ACCSL: variants seen among roughly 807,000 people sequenced by gnomAD.
The protein encoded by ACCSL is probable inactive 1-aminocyclopropane-1-carboxylate synthase-like protein 2.
A neutral mutation model predicts 61.7 loss-of-function variants in ACCSL; 55 were observed. The observed-to-expected ratio is 0.89, with a 90% CI of 0.72 to 1.12. ACCSL has a LOEUF of 1.12. Among genes scored for constraint, ACCSL ranks in the 50% most tolerant of loss-of-function variants. ACCSL has a pLI of 0.00. For missense variants in ACCSL, 632 were observed against 698.0 expected, an observed-to-expected ratio of 0.91 and a Z score of 1.07; for synonymous variants, 258 against 264.3, an observed-to-expected ratio of 0.98 and a Z score of 0.23.
rs747481542 is a variant in ACCSL, at chr11:44,056,316, C to G, written c.1317C>G (p.Leu439=). 2 of 1,613,592 alleles carry G rather than the reference C, an allele frequency of 1.2e-6. No homozygotes were observed. The change falls in exon 11 of 14, where the codon CTC becomes CTG. Residue 439 remains leucine, a synonymous_variant. Transcript: ENST00000378832. ...CCCAGCACAAGCTGTGTCAACTGCT[C>G]CAGAACACAGGTACTGAGCTCTAGC... ...GITQHKLCQL[L]QNTEWIDKVY... is the part of the protein sequence containing the mutation.
At chr11:43,937,111 T>C in the ACCSL span, among the ~76,000 whole-genome samples, 7 of 152,064 alleles carry the variant, frequency 4.6e-5, no homozygotes, top group South Asian at 2.1e-4. Flanking sequence ...GAGCTGTGTG[T>C]GTTGGAGACA....
At position 44,048,195 on chromosome 11, in the gene ACCSL, G is replaced by T. The variant is rs1384906359; in HGVS notation, c.159G>T (p.Leu53=). Residue 53 remains leucine, a synonymous_variant, in exon 1 of 14, where the codon CTG becomes CTT. Coordinates refer to ENST00000378832, the MANE Select transcript of ACCSL (RefSeq NM_001031854.2). ...HFVQLTSRQG[L]SLEERRHTEA... is the part of the protein sequence containing the mutation. ...TGCAGCTGACGAGCAGACAGGGCCT[G>T]TCGCTGGAGGAAAGGAGGCACACTG... The T allele has an allele frequency of 2.5e-6, 4 of 1,614,104 alleles. No homozygotes were observed. Among genetic ancestry groups the T allele is most frequent in the Non-Finnish European group, 3.4e-6 (4 of 1,180,060 alleles).
the ACCSL span, among the ~76,000 whole-genome samples, chr11:44,035,873 G>A: frequency 2.0e-5 from 3 of 149,394 alleles, no homozygotes; most frequent in East Asian, 5.9e-4. Context: ...GGAAGGTAGA[G>A]GTTGCAGTGA....
chr11:43,957,441 A>G, the ACCSL span, among the ~76,000 whole-genome samples: 4 of 152,106 alleles, frequency 2.6e-5, no homozygotes, highest in African/African-American at 9.7e-5. Context: ...GGGGTTGTGG[A>G]AGCCAAGGTG....
chr11:43,985,863 C>T, the ACCSL span, among the ~76,000 whole-genome samples: 3 of 152,028 alleles, frequency 2.0e-5, no homozygotes, highest in Admixed American at 2.0e-4. Context: ...ATGACGAAAA[C>T]TCATCTCTAT....
chr11:43,985,900 G>A, the ACCSL span, among the ~76,000 whole-genome samples: 1 of 152,038 alleles, frequency 6.6e-6, no homozygotes, highest in Admixed American at 6.6e-5. Flanking sequence ...GCTGGGCATG[G>A]TGGGGAGTAT....
the ACCSL span, among the ~76,000 whole-genome samples, chr11:44,022,329 T>TA: frequency 1.3e-5 from 2 of 152,188 alleles, no homozygotes; most frequent in Non-Finnish European, 2.9e-5. Flanking sequence ...GGTGGTCTTT[T>TA]ACCTCCTTGG....
At chr11:44,029,503 T>G in the ACCSL span, among the ~76,000 whole-genome samples, 1 of 152,260 alleles carries the variant, frequency 6.6e-6, no homozygotes, top group Non-Finnish European at 1.5e-5. Flanking sequence ...CAGTCATTAT[T>G]GCTGAATGAA....
the ACCSL span, among the ~76,000 whole-genome samples, chr11:44,028,969 T>C: frequency 6.6e-6 from 1 of 152,210 alleles, no homozygotes; most frequent in Non-Finnish European, 1.5e-5. Context: ...GGTGATCCTG[T>C]AGGCTTGACC....
the ACCSL span, chr11:43,943,460 C>T: frequency 7.1e-7 from 1 of 1,417,684 alleles, no homozygotes; most frequent in Non-Finnish European, 9.4e-7. This position sits in a 1 kb window ranked among gnomAD's most constrained non-coding sequence, Gnocchi z 4.8. Flanking sequence ...CTCGCCCTGG[C>T]CCGGGAGCGC....
At chr11:43,924,291 G>T in the ACCSL span, among the ~76,000 whole-genome samples, 1 of 152,254 alleles carries the variant, frequency 6.6e-6, no homozygotes, top group African/African-American at 2.4e-5. Context: ...GGCTAGCCCA[G>T]CCGTGCCTGC....
the ACCSL span, chr11:43,945,646 C>A: frequency 6.7e-6 from 1 of 148,910 alleles, no homozygotes; most frequent in Non-Finnish European, 1.5e-5. Context: ...GAGTTCGAGA[C>A]CAGCCTGGGC....
At chr11:43,924,520 G>A in the ACCSL span, among the ~76,000 whole-genome samples, 1 of 152,246 alleles carries the variant, frequency 6.6e-6, no homozygotes, top group Non-Finnish European at 1.5e-5. Flanking sequence ...GGGCAGGCGA[G>A]TGGGACAGGG....
the ACCSL span, among the ~76,000 whole-genome samples, chr11:43,957,840 C>A: frequency 2.0e-5 from 3 of 152,112 alleles, no homozygotes; most frequent in East Asian, 1.9e-4. Context: ...GTGTGACCGC[C>A]CCCCCAACAA....
chr11:43,921,673 G>A, the ACCSL span, among the ~76,000 whole-genome samples: 1 of 152,154 alleles, frequency 6.6e-6, no homozygotes, highest in Non-Finnish European at 1.5e-5. Context: ...TCTTAATGGA[G>A]GGTCATGATC....
chr11:43,996,507 T>C, the ACCSL span, among the ~76,000 whole-genome samples: 2 of 152,118 alleles, frequency 1.3e-5, no homozygotes, highest in Non-Finnish European at 2.9e-5. Flanking sequence ...AGTTTATAGG[T>C]CATGTCAAGG....
the ACCSL span, among the ~76,000 whole-genome samples, chr11:43,975,391 G>A: frequency 6.6e-6 from 1 of 152,192 alleles, no homozygotes; most frequent in Non-Finnish European, 1.5e-5. Context: ...TATAAGATAT[G>A]ACTTCCAGAT....
At chr11:44,004,947 T>TA in the ACCSL span, among the ~76,000 whole-genome samples, 34 of 152,144 alleles carry the variant, frequency 2.2e-4, no homozygotes, top group Admixed American at 2.0e-3. Context: ...CCTGCCTGGA[T>TA]ACACTCCTAA....
At chr11:44,037,906 T>TCCATCCATCCAC in the ACCSL span, among the ~76,000 whole-genome samples, 16 of 151,874 alleles carry the variant, frequency 1.1e-4, no homozygotes, top group African/African-American at 3.4e-4. Flanking sequence ...CATCCATCCA[T>TCCATCCATCCAC]CCACTTGGTC....
Sources: allele counts gnomAD v4.1 joint callset (sites outside exome capture counted in the v4.1 genomes callset), GRCh38; gene constraint gnomAD v4.1.1; non-coding constraint Gnocchi (gnomAD v3.1); transcripts MANE v1.5; gene names NCBI Gene and HGNC (gene_info 2026-07-23, HGNC 2026-07-21).